The following ZFAT variants were observed in gnomAD, a reference collection of about 807,000 sequenced individuals.
ZFAT encodes the protein zinc finger protein ZFAT.
ZFAT carries 64 observed loss-of-function variants against 117.7 expected under a neutral mutation model. The observed-to-expected ratio is 0.54, with a 90% CI of 0.44 to 0.67. ZFAT has a LOEUF of 0.67. Among genes scored for constraint, ZFAT ranks in the 30% least tolerant of loss-of-function variants. ZFAT has a pLI of 0.00. For missense variants in ZFAT, 1,433 were observed against 1,584.5 expected, an observed-to-expected ratio of 0.90 and a Z score of 1.62; for synonymous variants, 679 against 615.0, an observed-to-expected ratio of 1.10 and a Z score of -1.54.
At chr8:134,532,373 T>C (rs141315103) in intron 12 of ZFAT, among the ~76,000 whole-genome samples, 13 of 152,334 alleles carry the variant, frequency 8.5e-5, no homozygotes, top group African/African-American at 3.1e-4. Flanking sequence ...CAATGTTCGA[T>C]AACAGAATTG....
intron 10 of ZFAT, among the ~76,000 whole-genome samples, chr8:134,582,413 G>A (rs1825773417): frequency 6.6e-6 from 1 of 152,240 alleles, no homozygotes. Context: ...CTGAAGGACT[G>A]CAGTAGTTAT....
At chr8:134,599,203 A>G (rs1827207003) in intron 7 of ZFAT, 1 of 152,348 alleles carries the variant, frequency 6.6e-6, no homozygotes, top group African/African-American at 2.4e-5. Context: ...AGGACAGAGA[A>G]TGTGTAATGA....
intron 11 of ZFAT, among the ~76,000 whole-genome samples, chr8:134,542,219 T>C (rs1488633079): frequency 1.3e-5 from 2 of 152,236 alleles, no homozygotes; most frequent in African/African-American, 2.4e-5. Context: ...AGCTGTGTCC[T>C]GGACCAAAGT....
intron 15 of ZFAT, among the ~76,000 whole-genome samples, chr8:134,508,936 T>C (rs1456469033): frequency 6.6e-6 from 1 of 152,210 alleles, no homozygotes; most frequent in African/African-American, 2.4e-5. Flanking sequence ...TTTTTTAAAG[T>C]ATTTGTGTAA....
chr8:134,689,088 T>C (rs1833474430), intron 1 of ZFAT, among the ~76,000 whole-genome samples: 1 of 152,172 alleles, frequency 6.6e-6, no homozygotes. Flanking sequence ...TGGCCAGAAC[T>C]GGGAAGAGGG....
At chr8:134,712,779 G>C in intron 1 of ZFAT, 66 bp downstream of exon 1, 2 of 1,412,966 alleles carry the variant, frequency 1.4e-6, no homozygotes, top group Non-Finnish European at 1.9e-6. Context: ...GCTCGAAACG[G>C]CTTTCCGCGC....
chr8:134,619,323 A>T (rs1302829646), intron 3 of ZFAT, among the ~76,000 whole-genome samples: 1 of 152,204 alleles, frequency 6.6e-6, no homozygotes, highest in Non-Finnish European at 1.5e-5. Flanking sequence ...TTCGAAGTAC[A>T]GTTTCTACTA....
At chr8:134,606,729 GA>G (rs75459456) in intron 5 of ZFAT, among the ~76,000 whole-genome samples, 319 of 47,940 alleles carry the variant, frequency 6.7e-3, no homozygotes, top group East Asian at 0.016. Context: ...CTCTGTCTCA[GA>G]AAAAAAAAAA....
the ZFAT span, chr8:134,793,108 G>A: frequency 2.6e-5 from 4 of 152,066 alleles, no homozygotes; most frequent in African/African-American, 9.7e-5. Flanking sequence ...GAGGTGGAGG[G>A]GACCCTGCTT....
chr8:134,493,330 C>T (rs1198835647), intron 15 of ZFAT, among the ~76,000 whole-genome samples: 1 of 152,298 alleles, frequency 6.6e-6, no homozygotes, highest in East Asian at 1.9e-4. Context: ...ACGGGAAGGG[C>T]CAGCTCTCTT....
the ZFAT span, chr8:134,793,193 C>T: frequency 6.6e-6 from 1 of 152,078 alleles, no homozygotes. Flanking sequence ...TGAGTAAACC[C>T]ATCTCTGTCC....
chr8:134,783,468 T>TC, the ZFAT span, among the ~76,000 whole-genome samples: 2 of 151,734 alleles, frequency 1.3e-5, no homozygotes, highest in African/African-American at 2.4e-5. Context: ...TCCCGACACC[T>TC]CCCCCCTTAC....
intron 11 of ZFAT, among the ~76,000 whole-genome samples, chr8:134,536,615 C>T (rs116824526): frequency 0.016 from 2,495 of 152,286 alleles, 71 homozygotes; most frequent in African/African-American, 0.057. Flanking sequence ...CAGGGAAGGA[C>T]ACAGGCAGAG....
chr8:134,522,617 G>A (rs912107860), intron 12 of ZFAT, among the ~76,000 whole-genome samples: 2 of 152,182 alleles, frequency 1.3e-5, no homozygotes, highest in East Asian at 1.9e-4. Context: ...AGCCCTCCAC[G>A]TCCTCAGCTA....
Position 134,478,483 on chromosome 8 carries a change from T to C in ZFAT, c.3731A>G (p.Ter1244TrpextTer147). 6.4e-7 allele frequency: 1 copy of C among 1,562,434 alleles called. No individual in the cohort carries two copies. Among genetic ancestry groups the C allele is most frequent in the Non-Finnish European group, 8.7e-7 (1 of 1,153,596 alleles). ...TGGCCATCCGATGCCACATGTCCTC[T>C]AGAGTTCCTGGGCCGGCTGCTCCAC... ...QAVEQPAQEL[*>W] The change falls in exon 16 of 16, where the codon TAG (stop) becomes TGG (tryptophan). Residue 1244 changes from the stop codon to tryptophan, a stop_lost. Transcript: ENST00000377838. This position sits in a 1 kb window ranked among gnomAD's most constrained non-coding sequence, Gnocchi z 5.2.
chr8:134,602,808 C>A lies in ZFAT; in HGVS notation c.911G>T (p.Cys304Phe). ...GGCCTTGATGGCACTGGCATAGCTG[C>A]ACTGGGGGCACTTGTATGGCTTTTC... ...TNEKPYKCPQ[C>F]SYASAIKANL... Residue 304 changes from cysteine to phenylalanine, a missense_variant, in exon 6 of 16, where the codon TGC becomes TTC. Transcript: ENST00000377838. 1 of 1,614,214 alleles carries A rather than the reference C, an allele frequency of 6.2e-7. No individual in the cohort carries two copies.
the ZFAT span, among the ~76,000 whole-genome samples, chr8:134,762,815 A>T: frequency 6.6e-6 from 1 of 152,152 alleles, no homozygotes; most frequent in South Asian, 2.1e-4. Context: ...CCCTACCCAT[A>T]CCTCTCTACC....
chr8:134,498,032 G>A (rs1474131810), intron 15 of ZFAT, among the ~76,000 whole-genome samples: 5 of 133,146 alleles, frequency 3.8e-5, no homozygotes, highest in African/African-American at 1.5e-4. Context: ...GGTTGGGGTG[G>A]AGCCGTGATG....
At chr8:134,622,152 G>A (rs559083618) in intron 3 of ZFAT, among the ~76,000 whole-genome samples, 36 of 152,270 alleles carry the variant, frequency 2.4e-4, no homozygotes, top group African/African-American at 7.7e-4. Context: ...CTGAGGTTGG[G>A]ATGATGACTT....
Sources: gnomAD v4.1 joint callset for allele counts (sites outside exome capture counted in the v4.1 genomes callset) on GRCh38, gnomAD v4.1.1 for gene constraint, Gnocchi (gnomAD v3.1) non-coding constraint, MANE v1.5 for transcripts, NCBI Gene and HGNC (gene_info 2026-07-23, HGNC 2026-07-21) for gene names.